Variants in EPS8 observed in about 807,000 individuals in gnomAD.
EPS8 encodes the protein epidermal growth factor receptor kinase substrate 8.
A neutral mutation model predicts 103.8 loss-of-function variants in EPS8; 42 were observed. The observed-to-expected ratio is 0.40, with a 90% CI of 0.32 to 0.52. EPS8 has a LOEUF of 0.52. Ranked by LOEUF, EPS8 falls within the 20% of genes least tolerant of loss-of-function variation. EPS8 has a pLI of 0.40. For missense variants in EPS8, 969 were observed against 1,005.1 expected (o/e 0.96, Z 0.49); for synonymous variants, 344 against 344.6 (o/e 1.00, Z 0.02).
chr12:15,624,348 G>A lies in EPS8; in HGVS notation c.2104C>T (p.Arg702Trp), dbSNP rs201426875. 2.6e-5 allele frequency: 42 copies of A among 1,607,834 alleles called. No individual in the cohort carries two copies. In the Admixed American group the frequency reaches 5.7e-4, roughly 22 times the overall value. Residue 702 changes from arginine (R) to tryptophan (W), a missense_variant, in exon 19 of 21, where the codon CGG (arginine) becomes TGG (tryptophan). Arg to Trp is a moderately radical substitution (Grantham distance 101, BLOSUM62 -3). Coordinates refer to ENST00000281172, the MANE Select transcript of EPS8 (RefSeq NM_004447.6). ...TGGAATTTCTTCTGAGCGGCACTCC[G>A]ACCAATGGTCAGTCTGTGGATGAGT... Reference protein sequence around the residue: ...DELIHRLTIGRSAAQKKFHVP... With the variant: ...DELIHRLTIGWSAAQKKFHVP...
intron 18 of EPS8, among the ~76,000 whole-genome samples, chr12:15,625,926 A>G (rs1396274932): frequency 1.3e-5 from 2 of 152,210 alleles, no homozygotes; most frequent in African/African-American, 2.4e-5. Flanking sequence ...GGGTGCATAT[A>G]TGCTGTCTAC....
chr12:15,623,087 A>C, intron 20 of EPS8, 71 bp downstream of exon 20: 1 of 1,457,532 alleles, frequency 6.9e-7, no homozygotes, highest in Non-Finnish European at 9.2e-7. Context: ...ATTGGCCAAT[A>C]TGGACATAAA....
At chr12:15,742,671 T>C (rs1946837034) in intron 1 of EPS8, among the ~76,000 whole-genome samples, 1 of 152,208 alleles carries the variant, frequency 6.6e-6, no homozygotes, top group Non-Finnish European at 1.5e-5. Flanking sequence ...CACATGATTA[T>C]CTCAATAGAT....
At chr12:15,686,468 T>G (rs1043271780) in intron 1 of EPS8, among the ~76,000 whole-genome samples, 7 of 152,292 alleles carry the variant, frequency 4.6e-5, no homozygotes, top group Admixed American at 3.9e-4. Flanking sequence ...GAAAACACTT[T>G]TAGTAAGTCG....
At position 15,787,312 on chromosome 12, in the gene EPS8, G is replaced by A. The variant is rs1184134230; in HGVS notation, c.-22+1849C>T. Among the ~76,000 whole-genome samples, 1 of 152,136 alleles carries A rather than the reference G, an allele frequency of 6.6e-6. No homozygotes were observed. The highest frequency in any genetic ancestry group is 1.5e-5 in the Non-Finnish European group (1 of 67,988). Reference sequence around the variant, plus strand: ...ACAAAGTAGAGAGTAGCAAGCCTATGCCATAGCATAGAAAAGAACTGGTAT... The same window carrying A: ...ACAAAGTAGAGAGTAGCAAGCCTATACCATAGCATAGAAAAGAACTGGTAT... On this transcript the variant is annotated intron_variant, in intron 1 of 20. Transcript: ENST00000281172. The surrounding 1 kb of genome is among the most constrained non-coding windows in gnomAD (Gnocchi z 4.9).
chr12:15,761,707 G>A lies in EPS8; in HGVS notation c.-22+27454C>T, dbSNP rs562448137. On this transcript the variant is annotated intron_variant, in intron 1 of 20. Transcript: ENST00000281172. The surrounding 1 kb of genome is among the most constrained non-coding windows in gnomAD (Gnocchi z 4.5). Reference sequence around the variant, plus strand: ...GGAAAAGACAGACTCTTCAATAAATGGCGCTGGGAAAACTGGATATCCATA... The same window carrying A: ...GGAAAAGACAGACTCTTCAATAAATAGCGCTGGGAAAACTGGATATCCATA... Among the ~76,000 whole-genome samples the A allele has an allele frequency of 1.3e-5, 2 of 152,150 alleles. No homozygotes were observed. Among genetic ancestry groups the A allele is most frequent in the African/African-American group, 4.8e-5 (2 of 41,506 alleles).
chr12:15,710,096 A>AT, intron 1 of EPS8, among the ~76,000 whole-genome samples: 1 of 152,244 alleles, frequency 6.6e-6, no homozygotes, highest in Middle Eastern at 3.4e-3. Flanking sequence ...GGGTTGGGGG[A>AT]CCCCTGGCTT....
intron 1 of EPS8, among the ~76,000 whole-genome samples, chr12:15,740,151 A>G (rs540920083): frequency 1.3e-5 from 2 of 152,342 alleles, no homozygotes; most frequent in South Asian, 4.1e-4. Context: ...TAGATGCACA[A>G]TCTTATTGCA....
In EPS8 at chr12:15,767,450, A is replaced by T. The variant is rs1052785647; in HGVS notation, c.-22+21711T>A. Among the ~76,000 whole-genome samples the T allele has an allele frequency of 2.6e-5, 4 of 152,214 alleles. No individual in the cohort carries two copies. Among genetic ancestry groups the T allele is most frequent in the African/African-American group, 9.6e-5 (4 of 41,458 alleles). On this transcript the variant is annotated intron_variant, in intron 1 of 20. Transcript: ENST00000281172. This position sits in a 1 kb window ranked among gnomAD's most constrained non-coding sequence, Gnocchi z 5.5. ...GGTTGCACACAGAAAAAAGCCGTTA[A>T]ATGACACAGTGGCATAAAATGAAAC...
intron 1 of EPS8, among the ~76,000 whole-genome samples, chr12:15,737,499 A>C (rs1009948772): frequency 6.6e-6 from 1 of 152,166 alleles, no homozygotes; most frequent in African/African-American, 2.4e-5. Context: ...ACTATGTTCC[A>C]GGCTCTGCTC....
intron 1 of EPS8, among the ~76,000 whole-genome samples, chr12:15,723,529 A>C (rs369192924): frequency 2.0e-5 from 3 of 152,156 alleles, no homozygotes; most frequent in African/African-American, 7.2e-5. Context: ...AATATGCATA[A>C]GATTTTTCCT....
At chr12:15,732,577 C>T (rs1946728688) in intron 1 of EPS8, among the ~76,000 whole-genome samples, 1 of 152,180 alleles carries the variant, frequency 6.6e-6, no homozygotes, top group Admixed American at 6.5e-5. Flanking sequence ...ACATCCTACA[C>T]TCACTATCTA....
At position 15,728,302 on chromosome 12, in the gene EPS8, T is replaced by G. The variant is rs931843484; in HGVS notation, c.-21-45330A>C. On this transcript the variant is annotated intron_variant, in intron 1 of 20. Transcript: ENST00000281172. The surrounding 1 kb of genome is among the most constrained non-coding windows in gnomAD (Gnocchi z 4.5). ...CGGAAGCCAATTCATAGATTCCATT[T>G]TCAAACCAGGGGGGGTGCCTTGTGG... 6.6e-6 allele frequency: 1 copy of G among 152,224 alleles called. No individual in the cohort carries two copies. Among genetic ancestry groups the G allele is most frequent in the Admixed American group, 6.5e-5 (1 of 15,286 alleles). The allele number at this position is 152,224 out of a possible 1,614,324, so 9.4% of individuals were successfully genotyped here.
chr12:15,684,634 T>C lies in EPS8; in HGVS notation c.-21-1662A>G, dbSNP rs1044246793. Among the ~76,000 whole-genome samples the C allele has an allele frequency of 2.0e-5, 3 of 152,040 alleles. No individual in the cohort carries two copies. Among genetic ancestry groups the C allele is most frequent in the Non-Finnish European group, 2.9e-5 (2 of 68,032 alleles). ...TAGTAAGGAATTAAGTCCCAACATA[T>C]GTAGCTCTATTTTAAATCTGCTAGA... On this transcript the variant is annotated intron_variant, in intron 1 of 20. Coordinates refer to ENST00000281172, the MANE Select transcript of EPS8 (RefSeq NM_004447.6). The surrounding 1 kb of genome is among the most constrained non-coding windows in gnomAD (Gnocchi z 4.9).
chr12:15,755,414 A>G (rs1164101352), intron 1 of EPS8, among the ~76,000 whole-genome samples: 1 of 152,212 alleles, frequency 6.6e-6, no homozygotes, highest in African/African-American at 2.4e-5. Context: ...TTTCCCACCA[A>G]GATGAGCTTC....
chr12:15,666,958 C>T (rs77002880), intron 6 of EPS8, among the ~76,000 whole-genome samples: 2 of 152,340 alleles, frequency 1.3e-5, no homozygotes, highest in East Asian at 3.9e-4. Flanking sequence ...AAATCTACTA[C>T]ACCCATAAGA....
In EPS8 at chr12:15,727,194, C is replaced by T. The variant is rs1224948720; in HGVS notation, c.-21-44222G>A. Among the ~76,000 whole-genome samples the T allele has an allele frequency of 6.6e-6, 1 of 152,180 alleles. No individual in the cohort carries two copies. The highest frequency in any genetic ancestry group is 1.5e-5 in the Non-Finnish European group (1 of 68,040). ...GTTTAAATTTTTTACAAAGCCTGGG[C>T]ACCTGGGGTTCTGATTACTTCCCTC... On this transcript the variant is annotated intron_variant, in intron 1 of 20. Coordinates refer to ENST00000281172, the MANE Select transcript of EPS8 (RefSeq NM_004447.6). This position sits in a 1 kb window ranked among gnomAD's most constrained non-coding sequence, Gnocchi z 4.3.
intron 1 of EPS8, among the ~76,000 whole-genome samples, chr12:15,786,449 T>A (rs1318444660): frequency 1.3e-5 from 2 of 152,084 alleles, no homozygotes; most frequent in Non-Finnish European, 2.9e-5. Flanking sequence ...AGTGGTGTCC[T>A]GGATGGTAGG....
rs544384699 is a variant in EPS8 at position 15,778,625 on chromosome 12, C to A, written c.-22+10536G>T. On this transcript the variant is annotated intron_variant, in intron 1 of 20. Coordinates refer to ENST00000281172, the MANE Select transcript of EPS8 (RefSeq NM_004447.6). This position sits in a 1 kb window ranked among gnomAD's most constrained non-coding sequence, Gnocchi z 4.5. ...AGATAGGGTTTCAAAAATTCACATT[C>A]CTGGATTAAAGAATAATATTTGTAA... Among the ~76,000 whole-genome samples, 1 of 152,074 alleles carries A rather than the reference C, an allele frequency of 6.6e-6. No individual in the cohort carries two copies. The highest frequency in any genetic ancestry group is 1.5e-5 in the Non-Finnish European group (1 of 68,028).
Sources: gnomAD v4.1 joint callset for allele counts (sites outside exome capture counted in the v4.1 genomes callset) on GRCh38, gnomAD v4.1.1 for gene constraint, Gnocchi (gnomAD v3.1) non-coding constraint, MANE v1.5 for transcripts, NCBI Gene and HGNC (gene_info 2026-07-23, HGNC 2026-07-21) for gene names.